The following TNS1 variants were observed in gnomAD, a reference collection of about 807,000 sequenced individuals.
TNS1 encodes tensin-1.
In TNS1, 62 loss-of-function variants were observed where a neutral mutation model predicts 168.6. That is an observed-to-expected ratio of 0.37 (90% confidence interval 0.30 to 0.45). TNS1 has a LOEUF of 0.45. Ranked by LOEUF, TNS1 falls within the 20% of genes least tolerant of loss-of-function variation. The probability of loss-of-function intolerance (pLI) is 1.00; values close to 1 mark genes in which losing one functional copy is unlikely to be tolerated. For synonymous variants in TNS1, 934 were observed against 933.2 expected (o/e 1.00, Z -0.02); for missense variants, 2,240 against 2,339.4 (o/e 0.96, Z 0.88).
intron 19 of TNS1, among the ~76,000 whole-genome samples, chr2:217,838,002 A>G (rs896132840): frequency 1.3e-5 from 2 of 152,244 alleles, no homozygotes; most frequent in Non-Finnish European, 2.9e-5. Flanking sequence ...TGGCAAAAAC[A>G]TTAGAGAGAA....
chr2:217,828,826 CGAAGTTGTCT>C (rs1559182451), intron 22 of TNS1, among the ~76,000 whole-genome samples: 1 of 152,182 alleles, frequency 6.6e-6, no homozygotes, highest in Non-Finnish European at 1.5e-5. Flanking sequence ...CTGAAACACG[CGAAGTTGTCT>C]GAGATCCCCG....
intron 1 of TNS1, among the ~76,000 whole-genome samples, chr2:218,008,659 C>G (rs1015753637): frequency 6.6e-6 from 1 of 152,246 alleles, no homozygotes. Flanking sequence ...CTGCTGGCAC[C>G]TTTCCCCACT....
At chr2:218,003,408 C>A (rs758788943), upstream of TNS1, among the ~76,000 whole-genome samples, 3 of 152,160 alleles carry the variant, frequency 2.0e-5, no homozygotes, top group Non-Finnish European at 4.4e-5. Flanking sequence ...ACTCAGGGTG[C>A]CTTGGCCCCT....
intron 16 of TNS1, among the ~76,000 whole-genome samples, chr2:217,883,732 C>A (rs1349212312): frequency 6.6e-6 from 1 of 152,156 alleles, no homozygotes; most frequent in Non-Finnish European, 1.5e-5. Context: ...CATTTACATT[C>A]TGTACTGTAA....
intron 6 of TNS1, among the ~76,000 whole-genome samples, chr2:217,903,048 G>C (rs1334364198): frequency 1.3e-5 from 2 of 152,176 alleles, no homozygotes; most frequent in Non-Finnish European, 2.9e-5. Context: ...CACGAGGCTA[G>C]AGATGGTGCC....
chr2:218,005,936 A>T (rs1958653560), upstream of TNS1, among the ~76,000 whole-genome samples: 1 of 152,092 alleles, frequency 6.6e-6, no homozygotes, highest in African/African-American at 2.4e-5. Context: ...GCAGGCCTGG[A>T]TGGTTTCATT....
intron 3 of TNS1, among the ~76,000 whole-genome samples, chr2:217,931,370 TG>T (rs367563483): frequency 5.4e-4 from 82 of 152,072 alleles, no homozygotes; most frequent in African/African-American, 1.9e-3. Flanking sequence ...GAAGGGTGCA[TG>T]GGAAAAAAAT....
upstream of TNS1, among the ~76,000 whole-genome samples, chr2:218,003,625 CT>C (rs202207046): frequency 2.1e-3 from 311 of 151,698 alleles, 1 homozygote; most frequent in Admixed American, 0.015. Flanking sequence ...TTTCCTATTT[CT>C]TTTTTTTTCC....
chr2:217,951,542 G>C (rs982774008), intron 3 of TNS1, among the ~76,000 whole-genome samples: 3 of 152,162 alleles, frequency 2.0e-5, no homozygotes, highest in African/African-American at 7.2e-5. Flanking sequence ...CCTAACTACA[G>C]CAGCTGCAGC....
chr2:218,003,716 G>A (rs772907722), upstream of TNS1, among the ~76,000 whole-genome samples: 7 of 151,426 alleles, frequency 4.6e-5, no homozygotes, highest in African/African-American at 7.3e-5. Flanking sequence ...CCAGGCTCCC[G>A]CGAGAGTGTG....
chr2:217,863,424 C>T (rs1258787759), intron 18 of TNS1, among the ~76,000 whole-genome samples: 2 of 152,148 alleles, frequency 1.3e-5, no homozygotes, highest in Non-Finnish European at 2.9e-5. Flanking sequence ...AAACATCCTA[C>T]AATACACAGG....
chr2:218,011,900 G>A (rs1305525856), upstream of TNS1, among the ~76,000 whole-genome samples: 1 of 152,126 alleles, frequency 6.6e-6, no homozygotes, highest in Admixed American at 6.5e-5. Context: ...CAGCAAGGGG[G>A]ATCACTCAAC....
At chr2:218,020,554 G>C (rs79632875) in intron 1 of TNS1, among the ~76,000 whole-genome samples, 4,947 of 151,882 alleles carry the variant, frequency 0.033, 268 homozygotes, top group African/African-American at 0.11. Context: ...AGCCCCCAAA[G>C]GCTGAGGATT....
chr2:217,937,341 G>A (rs777271039), intron 3 of TNS1, among the ~76,000 whole-genome samples: 81 of 152,108 alleles, frequency 5.3e-4, no homozygotes, highest in Non-Finnish European at 9.1e-4. Flanking sequence ...GCCGCACAGC[G>A]TCCACAGTGG....
intron 18 of TNS1, among the ~76,000 whole-genome samples, chr2:217,853,446 G>A (rs1301047083): frequency 6.6e-6 from 1 of 152,156 alleles, no homozygotes; most frequent in African/African-American, 2.4e-5. Flanking sequence ...ATGTTTGGGG[G>A]CTGTGGGCAT....
rs539917764 is a variant in TNS1, at chr2:217,847,122, C to A, written c.3007+388G>T. 2.1e-4 allele frequency among the ~76,000 whole-genome samples: 32 copies of A among 152,314 alleles called. No individual in the cohort carries two copies. In the South Asian group the frequency reaches 2.9e-3, roughly 14 times the overall value. On this transcript the variant is annotated intron_variant, in intron 19 of 32. Coordinates refer to ENST00000682258, the MANE Select transcript of TNS1 (RefSeq NM_001387777.1). ...GTCTAGAAAGTCTGTACTCCAACCCCAAAGTCACCACCTCCTGGAAGCTTT... is the reference window on the plus strand; with the variant it reads ...GTCTAGAAAGTCTGTACTCCAACCCAAAAGTCACCACCTCCTGGAAGCTTT...
chr2:217,838,217 G>C (rs1355649969), intron 19 of TNS1, among the ~76,000 whole-genome samples: 3 of 152,140 alleles, frequency 2.0e-5, no homozygotes, highest in Non-Finnish European at 2.9e-5. Context: ...TCCCTGCTTG[G>C]GGATCTGACG....
chr2:218,024,303 C>T (rs1356534424), intron 1 of TNS1, among the ~76,000 whole-genome samples: 2 of 150,326 alleles, frequency 1.3e-5, no homozygotes, highest in Non-Finnish European at 3.0e-5. Context: ...AAACCACCCA[C>T]CCCCCCATCC....
At chr2:217,921,233 T>G (rs769010602) in intron 3 of TNS1, among the ~76,000 whole-genome samples, 2 of 152,184 alleles carry the variant, frequency 1.3e-5, no homozygotes, top group Non-Finnish European at 2.9e-5. Context: ...ATTCCCAACC[T>G]GAACACCAGG....
Sources: gnomAD v4.1 joint callset for allele counts (sites outside exome capture counted in the v4.1 genomes callset) on GRCh38, gnomAD v4.1.1 for gene constraint, MANE v1.5 for transcripts, NCBI Gene and HGNC (gene_info 2026-07-23, HGNC 2026-07-21) for gene names.